Variants in PTPRT observed in about 807,000 individuals in gnomAD.
PTPRT encodes protein tyrosine phosphatase receptor type T, also known as receptor-type tyrosine-protein phosphatase T.
Under a neutral mutation model 176.8 loss-of-function variants are expected in PTPRT, and 56 were observed. That is an observed-to-expected ratio of 0.32 (90% confidence interval 0.26 to 0.40). The LOEUF is 0.40. Among genes scored for constraint, PTPRT ranks in the 10% least tolerant of loss-of-function variants. The pLI is 1.00. For synonymous variants in PTPRT, 783 were observed against 739.0 expected (o/e 1.06, Z -0.96); for missense variants, 1,540 against 1,908.2 (o/e 0.81, Z 3.60).
intron 9 of PTPRT, among the ~76,000 whole-genome samples, chr20:42,353,901 A>T (rs1299340952): frequency 6.6e-6 from 1 of 152,090 alleles, no homozygotes; most frequent in Non-Finnish European, 1.5e-5. Flanking sequence ...ACAAAGTATT[A>T]AAAAATTAGC....
intron 7 of PTPRT, among the ~76,000 whole-genome samples, chr20:42,559,557 T>A (rs909531375): frequency 2.6e-5 from 4 of 152,116 alleles, no homozygotes; most frequent in African/African-American, 9.7e-5. Context: ...GGAGGGACAG[T>A]AAGTGACCAG....
At chr20:42,964,689 T>C (rs2146047023) in intron 1 of PTPRT, among the ~76,000 whole-genome samples, 2 of 152,300 alleles carry the variant, frequency 1.3e-5, no homozygotes, top group African/African-American at 4.8e-5. Context: ...GAATTAATTA[T>C]TTTTCCTGTG....
intron 1 of PTPRT, among the ~76,000 whole-genome samples, chr20:42,955,022 G>A (rs946207985): frequency 6.7e-6 from 1 of 149,584 alleles, no homozygotes; most frequent in African/African-American, 2.5e-5. Flanking sequence ...AGAGGGAGGA[G>A]GAGTTACACA....
intron 1 of PTPRT, among the ~76,000 whole-genome samples, chr20:43,077,231 G>A (rs1387764989): frequency 6.6e-6 from 1 of 152,146 alleles, no homozygotes; most frequent in Non-Finnish European, 1.5e-5. Flanking sequence ...ATCTCCTAAG[G>A]GTTGTGCCAA....
intron 1 of PTPRT, among the ~76,000 whole-genome samples, chr20:42,940,790 A>G (rs1458092800): frequency 1.3e-5 from 2 of 152,160 alleles, no homozygotes; most frequent in East Asian, 3.9e-4. Context: ...ACACAAAAAA[A>G]TAGGATTTCA....
intron 9 of PTPRT, among the ~76,000 whole-genome samples, chr20:42,407,297 C>T (rs1031950410): frequency 2.0e-5 from 3 of 152,126 alleles, no homozygotes; most frequent in Non-Finnish European, 4.4e-5. Flanking sequence ...ACAGTTTGAA[C>T]CCTTGTATCA....
chr20:42,584,018 G>A (rs1040823268), intron 7 of PTPRT, among the ~76,000 whole-genome samples: 1 of 152,086 alleles, frequency 6.6e-6, no homozygotes, highest in African/African-American at 2.4e-5. Context: ...ATCTGGCTGA[G>A]CCCAGCCCTC....
intron 1 of PTPRT, among the ~76,000 whole-genome samples, chr20:43,143,200 C>T (rs1277748731): frequency 6.6e-6 from 1 of 152,148 alleles, no homozygotes; most frequent in African/African-American, 2.4e-5. Context: ...CCAACAATCC[C>T]CCTACCTGAT....
intron 1 of PTPRT, among the ~76,000 whole-genome samples, chr20:43,128,922 T>TA (rs1238659277): frequency 2.6e-5 from 4 of 152,200 alleles, no homozygotes; most frequent in African/African-American, 9.7e-5. Context: ...ATTTTAAAGT[T>TA]ATATTTATTC....
At chr20:42,846,109 T>G (rs925479043) in intron 2 of PTPRT, among the ~76,000 whole-genome samples, 4 of 152,170 alleles carry the variant, frequency 2.6e-5, no homozygotes, top group Non-Finnish European at 4.4e-5. Flanking sequence ...CCCAGAACCA[T>G]GGATGCCCTC....
At chr20:42,089,899 C>A in intron 27 of PTPRT, among the ~76,000 whole-genome samples, 1 of 152,178 alleles carries the variant, frequency 6.6e-6, no homozygotes, top group South Asian at 2.1e-4. Context: ...TAAGAAACAT[C>A]CTCTGTGGTT....
chr20:42,124,670 G>A (rs1322622659), intron 19 of PTPRT, among the ~76,000 whole-genome samples: 3 of 152,214 alleles, frequency 2.0e-5, no homozygotes, highest in African/African-American at 4.8e-5. Flanking sequence ...CCAGGGTGAT[G>A]GAGTGAGGAC....
At chr20:42,451,024 T>C (rs1340024853) in intron 8 of PTPRT, among the ~76,000 whole-genome samples, 1 of 152,008 alleles carries the variant, frequency 6.6e-6, no homozygotes, top group Non-Finnish European at 1.5e-5. Context: ...CAGGGCAAAA[T>C]GGGGAGGAGG....
intron 11 of PTPRT, 92 bp downstream of exon 11, chr20:42,350,536 C>A: frequency 9.2e-7 from 1 of 1,083,800 alleles, no homozygotes; most frequent in Non-Finnish European, 1.4e-6. Context: ...GCCAGTCTTG[C>A]CCATGGGCAT....
intron 16 of PTPRT, among the ~76,000 whole-genome samples, chr20:42,184,541 C>CTCTTCTTCT (rs1385842092): frequency 0.026 from 2,425 of 91,544 alleles, 134 homozygotes; most frequent in African/African-American, 0.041. Context: ...CTTCCTCTTC[C>CTCTTCTTCT]TCTTCTTCTT....
intron 1 of PTPRT, among the ~76,000 whole-genome samples, chr20:43,100,468 C>T (rs2012352765): frequency 6.6e-6 from 1 of 152,154 alleles, no homozygotes; most frequent in African/African-American, 2.4e-5. Context: ...CAGGGAACAG[C>T]CAAATCTGTT....
intron 7 of PTPRT, among the ~76,000 whole-genome samples, chr20:42,628,516 C>G (rs2074340820): frequency 6.6e-6 from 1 of 152,134 alleles, no homozygotes. Flanking sequence ...CTTTTTACCT[C>G]TCTTCCTCTC....
chr20:43,187,993 T>C (rs1318889886), intron 1 of PTPRT, among the ~76,000 whole-genome samples: 2 of 152,238 alleles, frequency 1.3e-5, no homozygotes, highest in African/African-American at 4.8e-5. Flanking sequence ...GTACGGGTTT[T>C]ACCGCTTGCT....
intron 14 of PTPRT, among the ~76,000 whole-genome samples, chr20:42,242,552 C>A (rs575898162): frequency 6.6e-6 from 1 of 152,216 alleles, no homozygotes; most frequent in South Asian, 2.1e-4. Flanking sequence ...GGAGAAAGTG[C>A]CTACTGAATT....
Sources: allele counts gnomAD v4.1 joint callset (sites outside exome capture counted in the v4.1 genomes callset), GRCh38; gene constraint gnomAD v4.1.1; transcripts MANE v1.5; gene names NCBI Gene and HGNC (gene_info 2026-07-23, HGNC 2026-07-21).